TRIP11: variants seen among roughly 807,000 people sequenced by gnomAD.
TRIP11 encodes the protein thyroid receptor-interacting protein 11.
Under a neutral mutation model 223.1 loss-of-function variants are expected in TRIP11, and 148 were observed. That is an observed-to-expected ratio of 0.66 (90% confidence interval 0.58 to 0.76). TRIP11 has a LOEUF of 0.76. TRIP11 is among the 30% of genes least tolerant of loss of function. The pLI, the probability that TRIP11 is intolerant of heterozygous loss-of-function variation, is 0.00. For missense variants in TRIP11, 2,043 were observed against 2,222.0 expected, an observed-to-expected ratio of 0.92 and a Z score of 1.62; for synonymous variants, 762 against 772.6, an observed-to-expected ratio of 0.99 and a Z score of 0.23.
intron 2 of TRIP11, among the ~76,000 whole-genome samples, chr14:92,029,687 G>A (rs939291889): frequency 1.3e-5 from 2 of 151,530 alleles, no homozygotes; most frequent in Non-Finnish European, 2.9e-5. Context: ...CTCTTTCATC[G>A]AACACAGTTA....
chr14:92,023,184 T>A lies in TRIP11; in HGVS notation c.313-1353A>T, dbSNP rs141199228. On this transcript the variant is annotated intron_variant, in intron 3 of 20. Transcript: ENST00000267622. ...AAGTAGAACATAAAATACCAAAATT[T>A]TCCCCACCAGTGTTTTCAACTGTGA... 2.0e-5 allele frequency among the ~76,000 whole-genome samples: 3 copies of A among 152,322 alleles called. No homozygotes were observed. The East Asian group carries it at 5.8e-4, about 29-fold the overall frequency.
intron 1 of TRIP11, among the ~76,000 whole-genome samples, chr14:92,036,439 A>G (rs545066103): frequency 6.6e-6 from 1 of 152,314 alleles, no homozygotes; most frequent in African/African-American, 2.4e-5. Context: ...TATTCAACAT[A>G]TAAGGAAACT....
intron 4 of TRIP11, 116 bp from the exon 5 acceptor site, chr14:92,017,866 C>T (rs1452574573): frequency 3.5e-6 from 3 of 859,100 alleles, no homozygotes; most frequent in African/African-American, 1.7e-5. Flanking sequence ...TTCACAGATT[C>T]CGACTAAAGA....
chr14:91,993,984 A>AT (rs1427008251), intron 14 of TRIP11, 72 bp from the exon 15 acceptor site: 1 of 1,187,342 alleles, frequency 8.4e-7, no homozygotes, highest in East Asian at 2.4e-5. Flanking sequence ...GCCATTTTAA[A>AT]TTTTAATAAT....
intron 9 of TRIP11, among the ~76,000 whole-genome samples, chr14:92,010,095 C>G (rs2056952766): frequency 6.6e-6 from 1 of 152,188 alleles, no homozygotes; most frequent in East Asian, 1.9e-4. Context: ...CTGCCTTAGC[C>G]AAGAAATTTC....
In TRIP11 at chr14:92,006,348, ACT is replaced by A; in HGVS notation, c.1626_1627del (p.Arg542SerfsTer5). ...CATTTTATCATCTTCAAGTTGATGA[ACT>A]CTCTTTTTTTCATCATTTAGATCTT... is the stretch of plus-strand genomic sequence containing the variant. On this transcript the variant is annotated frameshift_variant, in exon 11 of 21. Transcript: ENST00000267622. LOFTEE classifies it high-confidence loss of function. 6.2e-7 allele frequency: 1 copy of A among 1,610,688 alleles called. No individual in the cohort carries two copies. Among genetic ancestry groups the A allele is most frequent in the Non-Finnish European group, 8.5e-7 (1 of 1,178,760 alleles).
chr14:92,011,884 A>C, intron 7 of TRIP11, 89 bp from the exon 8 acceptor site: 4 of 1,174,332 alleles, frequency 3.4e-6, no homozygotes, highest in Non-Finnish European at 5.0e-6. Context: ...AACCCAATTA[A>C]AGTGTATATA....
At chr14:92,013,562 T>C (rs957339060) in intron 7 of TRIP11, among the ~76,000 whole-genome samples, 1 of 152,204 alleles carries the variant, frequency 6.6e-6, no homozygotes, top group East Asian at 1.9e-4. Flanking sequence ...CAATTATGAC[T>C]GGCTGAAGTA....
At chr14:92,039,176 C>G (rs1029445625) in intron 1 of TRIP11, among the ~76,000 whole-genome samples, 14 of 152,114 alleles carry the variant, frequency 9.2e-5, no homozygotes, top group African/African-American at 3.4e-4. Context: ...ATATACAATT[C>G]TTTAAACTGG....
intron 16 of TRIP11, among the ~76,000 whole-genome samples, chr14:91,984,166 C>T (rs1387570697): frequency 6.6e-6 from 1 of 152,122 alleles, no homozygotes; most frequent in Non-Finnish European, 1.5e-5. Context: ...ACCAAAAGAT[C>T]TTCCTGATGT....
At chr14:92,030,514 A>G (rs1015437358) in intron 2 of TRIP11, 1 of 152,178 alleles carries the variant, frequency 6.6e-6, no homozygotes, top group Non-Finnish European at 1.5e-5. Context: ...CAGCCTCCCA[A>G]GTAGCTGGGA....
In TRIP11 at chr14:91,969,481, T is replaced by C; in HGVS notation, c.*192A>G. 1.6e-6 allele frequency: 1 copy of C among 640,458 alleles called. No homozygotes were observed. Among genetic ancestry groups the C allele is most frequent in the Admixed American group, 2.4e-5 (1 of 40,952 alleles). 39.7% of individuals were successfully genotyped at this position (640,458 alleles called of 1,614,324 possible). On this transcript the variant is annotated 3_prime_UTR_variant, in exon 21 of 21. Coordinates refer to ENST00000267622, the MANE Select transcript of TRIP11 (RefSeq NM_004239.4). ...TCAAATCAGAAGGAATAAAGCAGAT[T>C]ATATAGCAAACACTTGCTCCTGACA...
chr14:92,033,104 C>T (rs1422834147), intron 2 of TRIP11, 88 bp downstream of exon 2: 5 of 1,011,540 alleles, frequency 4.9e-6, no homozygotes, highest in Non-Finnish European at 7.8e-6. Context: ...CTAAGCAGTA[C>T]ATTTAAAAAG....
intron 16 of TRIP11, among the ~76,000 whole-genome samples, chr14:91,983,534 C>T (rs1353286698): frequency 6.6e-6 from 1 of 152,184 alleles, no homozygotes; most frequent in African/African-American, 2.4e-5. Flanking sequence ...TTTTTTTAAA[C>T]TGCAATTTCT....
Position 92,007,639 on chromosome 14 carries a change from C to CCTTTTAAA in TRIP11, c.1527_1527+1insTTTAAAAG (p.His510PhefsTer5). 1 of 1,613,220 alleles carries CCTTTTAAA rather than the reference C, an allele frequency of 6.2e-7. No individual in the cohort carries two copies. Among genetic ancestry groups the CCTTTTAAA allele is most frequent in the Non-Finnish European group, 8.5e-7 (1 of 1,179,846 alleles). On this transcript the variant is annotated frameshift_variant and splice_region_variant. Transcript: ENST00000267622. LOFTEE classifies it high-confidence loss of function. ...CCTTACTGTATTTAATACAGTGTTA[C>CCTTTTAAA]CTTTGTAGCTTCTTGATTCTGTCTG...
At chr14:91,987,278 A>C (rs2056615066) in intron 16 of TRIP11, among the ~76,000 whole-genome samples, 1 of 152,046 alleles carries the variant, frequency 6.6e-6, no homozygotes, top group South Asian at 2.1e-4. Context: ...TTTTGAGGAC[A>C]ATTACTTCAC....
In TRIP11 at chr14:92,005,749, T is replaced by C; in HGVS notation, c.2227A>G (p.Ile743Val). The C allele has an allele frequency of 6.2e-7, 1 of 1,614,120 alleles. No homozygotes were observed. The highest frequency in any genetic ancestry group is 8.5e-7 in the Non-Finnish European group (1 of 1,180,022). ...TTACGTGCATTTGACAGTTCTTCAATGGTTTTCTCATACTTGTTTGCTTCT... is the reference window on the plus strand; with the variant it reads ...TTACGTGCATTTGACAGTTCTTCAACGGTTTTCTCATACTTGTTTGCTTCT... ...LEEANKYEKT[I>V]EELSNARNLN... Residue 743 changes from isoleucine (I) to valine (V), a missense_variant, in exon 11 of 21, where the codon ATT becomes GTT. Coordinates refer to ENST00000267622, the MANE Select transcript of TRIP11 (RefSeq NM_004239.4).
intron 13 of TRIP11, among the ~76,000 whole-genome samples, chr14:91,996,987 T>C (rs2056759246): frequency 6.6e-6 from 1 of 152,222 alleles, no homozygotes; most frequent in Non-Finnish European, 1.5e-5. Context: ...TAAATTCTTA[T>C]TCAAGAGCAG....
intron 16 of TRIP11, among the ~76,000 whole-genome samples, chr14:91,986,182 A>C (rs1595372830): frequency 1.3e-5 from 2 of 152,234 alleles, no homozygotes; most frequent in South Asian, 4.1e-4. Context: ...TTTACAATGA[A>C]TATTAGTATT....
Sources: gnomAD v4.1 joint callset for allele counts (sites outside exome capture counted in the v4.1 genomes callset) on GRCh38, gnomAD v4.1.1 for gene constraint, MANE v1.5 for transcripts, NCBI Gene and HGNC (gene_info 2026-07-23, HGNC 2026-07-21) for gene names.